Variants in BICD1 observed in about 807,000 individuals in gnomAD.
BICD1 encodes the protein protein bicaudal D homolog 1.
BICD1 carries 35 observed loss-of-function variants against 92.5 expected under a neutral mutation model. The observed-to-expected ratio is 0.38, with a 90% CI of 0.29 to 0.50. The LOEUF (loss-of-function observed/expected upper bound fraction) is 0.50. Among genes scored for constraint, BICD1 ranks in the 20% least tolerant of loss-of-function variants. The probability of loss-of-function intolerance (pLI) is 0.93; values close to 1 mark genes in which losing one functional copy is unlikely to be tolerated. For missense variants in BICD1, 950 were observed against 1,189.8 expected (o/e 0.80, Z 2.97); for synonymous variants, 429 against 465.1 (o/e 0.92, Z 1.00).
At chr12:32,188,758 C>T (rs1291985877) in intron 1 of BICD1, among the ~76,000 whole-genome samples, 2 of 150,974 alleles carry the variant, frequency 1.3e-5, no homozygotes, top group African/African-American at 4.9e-5. Context: ...GACAGAGTCT[C>T]ACTCTATTGC....
intron 6 of BICD1, among the ~76,000 whole-genome samples, chr12:32,334,916 A>T (rs1363845564): frequency 6.6e-6 from 1 of 152,152 alleles, no homozygotes; most frequent in Non-Finnish European, 1.5e-5. Flanking sequence ...AAGTAAGCTA[A>T]TATTAATAGG....
At chr12:32,157,728 CTT>C (rs1168783651) in intron 1 of BICD1, among the ~76,000 whole-genome samples, 1 of 152,130 alleles carries the variant, frequency 6.6e-6, no homozygotes, top group Non-Finnish European at 1.5e-5. Flanking sequence ...TTTTTTCTGT[CTT>C]TGGCCAAAGC....
chr12:32,210,659 G>T (rs1945190307), intron 1 of BICD1, among the ~76,000 whole-genome samples: 1 of 152,166 alleles, frequency 6.6e-6, no homozygotes, highest in South Asian at 2.1e-4. Context: ...CTACAGACAT[G>T]ATAGGAAATC....
At chr12:32,120,556 T>A (rs1010207297) in intron 1 of BICD1, among the ~76,000 whole-genome samples, 8 of 151,910 alleles carry the variant, frequency 5.3e-5, no homozygotes, top group Admixed American at 6.6e-5. Context: ...CTGAAAGAGG[T>A]TTATATTGTA....
intron 2 of BICD1, among the ~76,000 whole-genome samples, chr12:32,247,500 C>T (rs1180041095): frequency 2.0e-5 from 3 of 152,040 alleles, no homozygotes; most frequent in East Asian, 1.9e-4. Context: ...TCTGTTGGGC[C>T]GGGCATGGTG....
At position 32,383,295 on chromosome 12, in the gene BICD1, T is replaced by TATTTTTAA. The variant is rs1402210557; in HGVS notation, c.*5670_*5677dup. On this transcript the variant is annotated 3_prime_UTR_variant, in exon 10 of 10. Transcript: ENST00000652176. ...TAAAAGACTGATTTAAGAAACTTGT[T>TATTTTTAA]ATTTTTAAAAATATGAATTTCAAAA... 1 of 152,210 alleles carries TATTTTTAA rather than the reference T, an allele frequency of 6.6e-6. No homozygotes were observed. The highest frequency in any genetic ancestry group is 2.4e-5 in the African/African-American group (1 of 41,472). 9.4% of individuals were successfully genotyped at this position (152,210 alleles called of 1,614,324 possible).
chr12:32,275,079 A>G (rs1031513738), intron 2 of BICD1, among the ~76,000 whole-genome samples: 2 of 152,190 alleles, frequency 1.3e-5, no homozygotes, highest in Non-Finnish European at 2.9e-5. Flanking sequence ...AGTGATCTAT[A>G]TGTTTATCAT....
intron 2 of BICD1, among the ~76,000 whole-genome samples, chr12:32,262,231 T>C (rs1431088366): frequency 6.6e-6 from 1 of 152,138 alleles, no homozygotes; most frequent in Non-Finnish European, 1.5e-5. Flanking sequence ...TTCTGTCTCT[T>C]TTTTTGGCCA....
At chr12:32,345,719 T>C (rs919155401) in intron 8 of BICD1, among the ~76,000 whole-genome samples, 1 of 152,228 alleles carries the variant, frequency 6.6e-6, no homozygotes, top group East Asian at 1.9e-4. Flanking sequence ...TTTCTATGTG[T>C]GCAATAGAAA....
intron 3 of BICD1, among the ~76,000 whole-genome samples, chr12:32,300,036 G>A (rs1802051488): frequency 6.6e-6 from 1 of 152,080 alleles, no homozygotes; most frequent in Non-Finnish European, 1.5e-5. Context: ...CAAATACATG[G>A]GAGTGTGTTC....
At chr12:32,340,070 G>A in intron 8 of BICD1, 2 of 982,112 alleles carry the variant, frequency 2.0e-6, no homozygotes, top group Non-Finnish European at 2.4e-6. Context: ...TAGTCTTTGA[G>A]TTTGCCACCG....
chr12:32,346,849 A>G (rs190361871), intron 8 of BICD1, among the ~76,000 whole-genome samples: 2 of 150,348 alleles, frequency 1.3e-5, no homozygotes, highest in Admixed American at 6.6e-5. Context: ...CTTAGTTTTA[A>G]CTAGATAGAA....
At chr12:32,229,616 CAT>C (rs1451914896) in intron 2 of BICD1, among the ~76,000 whole-genome samples, 1 of 152,032 alleles carries the variant, frequency 6.6e-6, no homozygotes, top group Non-Finnish European at 1.5e-5. Context: ...GAGAAGTTTC[CAT>C]AGAGTGTTGG....
chr12:32,199,380 C>T (rs1157857931), intron 1 of BICD1, among the ~76,000 whole-genome samples: 1 of 152,158 alleles, frequency 6.6e-6, no homozygotes, highest in Non-Finnish European at 1.5e-5. Context: ...TGCTGGCTTA[C>T]ATGCCAAATG....
intron 3 of BICD1, among the ~76,000 whole-genome samples, chr12:32,305,352 T>A (rs1948183794): frequency 6.6e-6 from 1 of 151,956 alleles, no homozygotes; most frequent in Admixed American, 6.6e-5. Flanking sequence ...TGCCCCCTTT[T>A]GACCACTGGA....
intron 1 of BICD1, among the ~76,000 whole-genome samples, chr12:32,119,739 C>T (rs1035054961): frequency 6.6e-6 from 1 of 152,168 alleles, no homozygotes; most frequent in African/African-American, 2.4e-5. Context: ...GGCATGCTGG[C>T]ATGCGCCTGT....
chr12:32,167,782 C>T (rs926304642), intron 1 of BICD1, among the ~76,000 whole-genome samples: 1 of 152,094 alleles, frequency 6.6e-6, no homozygotes, highest in Non-Finnish European at 1.5e-5. Context: ...CAGGGATTTC[C>T]CTATTGCTGG....
intron 2 of BICD1, among the ~76,000 whole-genome samples, chr12:32,288,362 G>C (rs1163306824): frequency 6.6e-6 from 1 of 151,346 alleles, no homozygotes; most frequent in Non-Finnish European, 1.5e-5. Context: ...CCCCTGACTA[G>C]CTGGGACTAA....
chr12:32,241,157 A>G (rs1396309260), intron 2 of BICD1, among the ~76,000 whole-genome samples: 2 of 152,158 alleles, frequency 1.3e-5, no homozygotes, highest in Admixed American at 6.5e-5. Flanking sequence ...TGTATCTACA[A>G]TTTTCCAGAC....
Sources: allele counts gnomAD v4.1 joint callset (sites outside exome capture counted in the v4.1 genomes callset), GRCh38; gene constraint gnomAD v4.1.1; transcripts MANE v1.5; gene names NCBI Gene and HGNC (gene_info 2026-07-23, HGNC 2026-07-21).